The following MYH11 variants were observed in gnomAD, a reference collection of about 807,000 sequenced individuals.
MYH11 encodes myosin heavy chain 11, also known as myosin-11.
Under a neutral mutation model 246.6 loss-of-function variants are expected in MYH11, and 80 were observed. The ratio of observed to expected loss-of-function variants is 0.32; its 90% confidence interval spans 0.27 to 0.39. The LOEUF is 0.39. MYH11 is among the 10% of genes least tolerant of loss of function. MYH11 has a pLI of 1.00. For missense variants in MYH11, 2,158 were observed against 2,546.8 expected, an observed-to-expected ratio of 0.85 and a Z score of 3.29; for synonymous variants, 1,071 against 1,015.5, an observed-to-expected ratio of 1.05 and a Z score of -1.04.
chr16:15,761,106 G>GTTTA (rs937991835), intron 10 of MYH11, among the ~76,000 whole-genome samples: 5 of 152,030 alleles, frequency 3.3e-5, no homozygotes, highest in Admixed American at 6.6e-5. Context: ...TTATTTATTT[G>GTTTA]TTTATTTATT....
chr16:15,772,544 C>G (rs2042128118), intron 8 of MYH11, among the ~76,000 whole-genome samples: 1 of 152,170 alleles, frequency 6.6e-6, no homozygotes, highest in Non-Finnish European at 1.5e-5. Flanking sequence ...GCTTTTATCT[C>G]TTTTAGCTGC....
intron 4 of MYH11, 28 bp downstream of exon 4, chr16:15,798,632 A>G (rs766077597): frequency 1.3e-6 from 2 of 1,575,590 alleles, no homozygotes; most frequent in South Asian, 1.2e-5. Context: ...AACAAAAAAA[A>G]AACAGAAGAA....
chr16:15,721,204 C>A, intron 32 of MYH11, 153 bp from the exon 33 acceptor site: 1 of 978,650 alleles, frequency 1.0e-6, no homozygotes, highest in Non-Finnish European at 1.5e-6. Context: ...CCTGAGAGTT[C>A]AGACCCCAGC....
intron 4 of MYH11, among the ~76,000 whole-genome samples, chr16:15,787,107 G>C (rs1189722046): frequency 6.6e-6 from 1 of 151,298 alleles, no homozygotes; most frequent in Admixed American, 6.6e-5. Context: ...ACTGCCTCTA[G>C]AAAAAGATTT....
chr16:15,763,741 T>TGGGGCCCCCCCC, intron 10 of MYH11, 55 bp downstream of exon 10: 6 of 646,848 alleles, frequency 9.3e-6, no homozygotes, highest in East Asian at 6.3e-5. Context: ...AAATGTCACC[T>TGGGGCCCCCCCC]CCCCCACCCC....
At chr16:15,753,558 G>A in intron 14 of MYH11, 50 bp from the exon 15 acceptor site, 1 of 1,461,140 alleles carries the variant, frequency 6.8e-7, no homozygotes, top group Non-Finnish European at 9.6e-7. Flanking sequence ...TAGAAACTTA[G>A]AAACCAAGGC....
chr16:15,748,136 C>T lies in MYH11; in HGVS notation c.2091G>A (p.Glu697=). The part of the protein sequence containing the change: ...SGKLDAFLVL[E]QLRCNGVLEG... ...CCAGCACCCCATTGCACCGCAGCTGCTCCAGCACCAGGAACGCATCCAGCT... is the reference window on the plus strand; with the variant it reads ...CCAGCACCCCATTGCACCGCAGCTGTTCCAGCACCAGGAACGCATCCAGCT... The change falls in exon 17 of 41, where the codon GAG becomes GAA. Residue 697 remains glutamate (E), a synonymous_variant. Coordinates refer to ENST00000300036, the MANE Select transcript of MYH11 (RefSeq NM_002474.3). 1 of 1,614,066 alleles carries T rather than the reference C, an allele frequency of 6.2e-7. No individual in the cohort carries two copies. The highest frequency in any genetic ancestry group is 1.1e-5 in the South Asian group (1 of 91,092).
chr16:15,825,192 T>C (rs918669710), intron 2 of MYH11, among the ~76,000 whole-genome samples: 6 of 151,964 alleles, frequency 3.9e-5, no homozygotes, highest in African/African-American at 1.5e-4. Context: ...TCCCAGAGGC[T>C]GGAAAGAGGT....
Position 15,724,710 on chromosome 16 carries a change from C to T in MYH11, c.4053G>A (p.Gln1351=), listed in dbSNP as rs2040661438. Residue 1351 remains glutamine, a synonymous_variant, in exon 30 of 41, where the codon CAG becomes CAA. Transcript: ENST00000300036. ...GCTTGGCCTCCATCTCCTCGTCCAG[C>T]TGGTCTTGCAGGCTGTTCCGCTCCT... ...LEEERNSLQD[Q]LDEEMEAKQN... The T allele has an allele frequency of 1.2e-6, 2 of 1,614,186 alleles. No individual in the cohort carries two copies. Among genetic ancestry groups the T allele is most frequent in the Non-Finnish European group, 8.5e-7 (1 of 1,180,028 alleles).
chr16:15,856,343 AAAC>A lies in MYH11; in HGVS notation c.-18+595_-18+597del, dbSNP rs975748575. Among the ~76,000 whole-genome samples, 18 of 151,454 alleles carry A rather than the reference AAAC, an allele frequency of 1.2e-4. No homozygotes were observed. In the East Asian group the frequency reaches 2.1e-3, roughly 18 times the overall value. On this transcript the variant is annotated intron_variant, in intron 1 of 40. Transcript: ENST00000300036. Reference sequence around the variant, plus strand: ...CTCCCCTAAACTGATTAAAAAAAAAAAACAACAACACTCCTTTCTGCTAAGCCT... The same window carrying A: ...CTCCCCTAAACTGATTAAAAAAAAAAAACAACACTCCTTTCTGCTAAGCCT...
chr16:15,806,504 G>C (rs778375828), intron 3 of MYH11, among the ~76,000 whole-genome samples: 44 of 152,098 alleles, frequency 2.9e-4, no homozygotes, highest in Non-Finnish European at 4.4e-4. Context: ...TTATATTGCA[G>C]CAATGGCTGC....
intron 27 of MYH11, among the ~76,000 whole-genome samples, chr16:15,727,700 A>G (rs546975260): frequency 3.3e-4 from 50 of 152,194 alleles, no homozygotes; most frequent in Non-Finnish European, 6.2e-4. Context: ...AAGGCATGCC[A>G]TGGCAGCTCA....
intron 3 of MYH11, among the ~76,000 whole-genome samples, chr16:15,821,864 G>A (rs1052825023): frequency 8.6e-6 from 1 of 115,902 alleles, no homozygotes; most frequent in African/African-American, 3.2e-5. Context: ...CTTGCAGTGA[G>A]CCGAGATTGC....
intron 3 of MYH11, among the ~76,000 whole-genome samples, chr16:15,803,063 G>A (rs2042924248): frequency 6.6e-6 from 1 of 151,718 alleles, no homozygotes. Context: ...CTTGAACCCA[G>A]GAGGTGGAGG....
chr16:15,720,334 G>A (rs771335116), intron 33 of MYH11, 22 bp from the exon 34 acceptor site: 2 of 1,610,728 alleles, frequency 1.2e-6, no homozygotes, highest in Non-Finnish European at 1.7e-6. Context: ...ATAGAGATGT[G>A]TGCTGCCCCA....
At chr16:15,823,145 CT>C in intron 3 of MYH11, 109 bp downstream of exon 3, 12 of 1,468,186 alleles carry the variant, frequency 8.2e-6, no homozygotes, top group Non-Finnish European at 1.1e-5. Flanking sequence ...ACAGTAACTC[CT>C]GGTCCCTCGC....
intron 40 of MYH11, 72 bp from the exon 41 acceptor site, chr16:15,704,195 A>G (rs1319953496): frequency 6.3e-7 from 1 of 1,585,380 alleles, no homozygotes; most frequent in Admixed American, 1.7e-5. Flanking sequence ...TTATAAATCT[A>G]TTTTAAACTT....
chr16:15,789,346 A>C (rs1367899088), intron 4 of MYH11, among the ~76,000 whole-genome samples: 1 of 152,210 alleles, frequency 6.6e-6, no homozygotes, highest in African/African-American at 2.4e-5. Context: ...CTTTGGGCTC[A>C]CAGATCTTTT....
intron 1 of MYH11, among the ~76,000 whole-genome samples, chr16:15,843,429 A>G (rs1207262246): frequency 3.3e-5 from 5 of 151,384 alleles, no homozygotes; most frequent in Non-Finnish European, 7.4e-5. Context: ...AGTGGCTCAC[A>G]CCTGTAATCC....
Sources: allele counts gnomAD v4.1 joint callset (sites outside exome capture counted in the v4.1 genomes callset), GRCh38; gene constraint gnomAD v4.1.1; transcripts MANE v1.5; gene names NCBI Gene and HGNC (gene_info 2026-07-23, HGNC 2026-07-21).